The following STMND1 variants were observed in gnomAD, a reference collection of about 807,000 sequenced individuals.
The protein encoded by STMND1 is stathmin domain containing 1.
A neutral mutation model predicts 23.0 loss-of-function variants in STMND1; 17 were observed. The observed-to-expected ratio is 0.74, with a 90% CI of 0.51 to 1.11. The LOEUF is 1.11. Ranked by LOEUF, STMND1 falls within the 50% of genes least tolerant of loss-of-function variation. The probability of loss-of-function intolerance (pLI) is 0.00; values close to 1 mark genes in which losing one functional copy is unlikely to be tolerated. For missense variants in STMND1, 305 were observed against 329.1 expected (o/e 0.93, Z 0.57); for synonymous variants, 114 against 119.9 (o/e 0.95, Z 0.32).
chr6:17,125,502 T>G (rs910411084), intron 3 of STMND1, among the ~76,000 whole-genome samples: 10 of 152,194 alleles, frequency 6.6e-5, no homozygotes, highest in African/African-American at 2.4e-4. Context: ...TGGTCAAAGT[T>G]TATTCCCTTC....
At chr6:17,110,079 T>C (rs1761077401) in intron 1 of STMND1, among the ~76,000 whole-genome samples, 1 of 152,256 alleles carries the variant, frequency 6.6e-6, no homozygotes, top group South Asian at 2.1e-4. Flanking sequence ...GTGTATGCTT[T>C]TCCACCTGCC....
chr6:17,105,136 A>G (rs1761005079), intron 1 of STMND1, among the ~76,000 whole-genome samples: 1 of 152,230 alleles, frequency 6.6e-6, no homozygotes, highest in Non-Finnish European at 1.5e-5. Flanking sequence ...GATTATATGC[A>G]AATACTACAC....
intron 3 of STMND1, among the ~76,000 whole-genome samples, chr6:17,123,714 G>T (rs556960493): frequency 6.6e-5 from 10 of 152,274 alleles, no homozygotes; most frequent in Admixed American, 2.0e-4. Context: ...AATCATTCTT[G>T]ATTCCCTATT....
Position 17,120,598 on chromosome 6 carries a change from T to C in STMND1, c.260-9T>C. 1 of 1,463,080 alleles carries C rather than the reference T, an allele frequency of 6.8e-7. No individual in the cohort carries two copies. The highest frequency in any genetic ancestry group is 9.0e-7 in the Non-Finnish European group (1 of 1,113,610). The allele number at this position is 1,463,080 out of a possible 1,614,324, so 90.6% of individuals were successfully genotyped here. On this transcript the variant is annotated splice_polypyrimidine_tract_variant and intron_variant, in intron 2 of 4. Coordinates refer to ENST00000536551, the MANE Select transcript of STMND1 (RefSeq NM_001190766.2). ...TTGCTTTCTTTTTTCTTTTCTTCTT[T>C]TTTGGAAGACCTAGTGACCAATGGA...
At chr6:17,127,013 C>T (rs973807788) in intron 3 of STMND1, among the ~76,000 whole-genome samples, 14 of 152,330 alleles carry the variant, frequency 9.2e-5, no homozygotes, top group East Asian at 1.9e-4. Flanking sequence ...ATGATCCCCC[C>T]GGCTGTAGGC....
At chr6:17,107,724 G>A (rs1315991055) in intron 1 of STMND1, among the ~76,000 whole-genome samples, 1 of 152,120 alleles carries the variant, frequency 6.6e-6, no homozygotes, top group Non-Finnish European at 1.5e-5. Flanking sequence ...AGCCTGCTGA[G>A]TAGCTGGGAA....
At chr6:17,102,365 A>G (rs1473744) in intron 1 of STMND1, 27 bp downstream of exon 1, 402,846 of 1,521,858 alleles carry the variant, frequency 0.26, 55,141 homozygotes, top group Non-Finnish European at 0.29. Context: ...CAAACAAACA[A>G]ACAAACAGAC....
chr6:17,111,235 T>C (rs1761093210), intron 1 of STMND1, among the ~76,000 whole-genome samples: 1 of 152,198 alleles, frequency 6.6e-6, no homozygotes, highest in Admixed American at 6.5e-5. Flanking sequence ...AATGGAACTG[T>C]GGTTTGAAGA....
intron 1 of STMND1, among the ~76,000 whole-genome samples, chr6:17,108,362 ATTG>A (rs912118679): frequency 7.9e-5 from 12 of 152,220 alleles, no homozygotes; most frequent in East Asian, 1.9e-4. Flanking sequence ...GCATTTTGCT[ATTG>A]TTGTTGTTGT....
At chr6:17,109,035 T>C (rs1329420834) in intron 1 of STMND1, among the ~76,000 whole-genome samples, 1 of 152,168 alleles carries the variant, frequency 6.6e-6, no homozygotes, top group Non-Finnish European at 1.5e-5. Context: ...ATATGTTACA[T>C]GTAATATGTT....
chr6:17,120,282 C>T (rs970338617), intron 2 of STMND1, among the ~76,000 whole-genome samples: 1 of 152,102 alleles, frequency 6.6e-6, no homozygotes, highest in Non-Finnish European at 1.5e-5. Context: ...CATAATTGGT[C>T]GAGCAAACCA....
At chr6:17,119,753 G>C (rs1019470976) in intron 2 of STMND1, among the ~76,000 whole-genome samples, 1 of 151,846 alleles carries the variant, frequency 6.6e-6, no homozygotes, top group Non-Finnish European at 1.5e-5. Flanking sequence ...CCATTAAATG[G>C]AATGGACTTG....
At chr6:17,116,582 G>A (rs1761163178) in intron 2 of STMND1, among the ~76,000 whole-genome samples, 1 of 152,042 alleles carries the variant, frequency 6.6e-6, no homozygotes, top group Non-Finnish European at 1.5e-5. Context: ...TGGGATTACA[G>A]GCATGCGCCA....
At chr6:17,114,492 C>A (rs905042046) in intron 1 of STMND1, among the ~76,000 whole-genome samples, 1 of 152,142 alleles carries the variant, frequency 6.6e-6, no homozygotes, top group Non-Finnish European at 1.5e-5. Context: ...TCTTGAACTC[C>A]TGACCTCAGG....
intron 3 of STMND1, among the ~76,000 whole-genome samples, chr6:17,121,598 A>G (rs994964117): frequency 5.3e-5 from 8 of 152,202 alleles, no homozygotes; most frequent in Admixed American, 3.3e-4. Context: ...AATATATACA[A>G]TTATGTGTCC....
At chr6:17,120,571 T>C in intron 2 of STMND1, 36 bp from the exon 3 acceptor site, 1 of 1,442,298 alleles carries the variant, frequency 6.9e-7, no homozygotes, top group Non-Finnish European at 9.1e-7. Flanking sequence ...CATTCTTAAA[T>C]TTTGCTTTCT....
intron 2 of STMND1, among the ~76,000 whole-genome samples, chr6:17,120,132 G>A (rs1302081026): frequency 2.0e-5 from 3 of 152,194 alleles, no homozygotes; most frequent in African/African-American, 4.8e-5. Context: ...AGCAGATGGC[G>A]TAATTATAAA....
chr6:17,125,298 T>C (rs1761281399), intron 3 of STMND1, among the ~76,000 whole-genome samples: 1 of 152,176 alleles, frequency 6.6e-6, no homozygotes, highest in African/African-American at 2.4e-5. Context: ...TAAACAAACA[T>C]TGGTTTTACG....
rs1761352396 is a variant in STMND1 at position 17,129,242 on chromosome 6, A to G, written c.542A>G (p.Lys181Arg). Residue 181 changes from lysine to arginine, a missense_variant and splice_region_variant, in exon 4 of 5, where the codon AAG (lysine) becomes AGG (arginine). Coordinates refer to ENST00000536551, the MANE Select transcript of STMND1 (RefSeq NM_001190766.2). ...ATGGAGGCTGCCGAGGAGCGCAGGA[A>G]GGTAGTGAGCTCTCAGATGCTCTAG... ...EKMEAAEERRKTKEEEIRKRL... is the reference protein window; with the variant it reads ...EKMEAAEERRRTKEEEIRKRL... The G allele has an allele frequency of 6.5e-7, 1 of 1,535,952 alleles. No individual in the cohort carries two copies.
Sources: gnomAD v4.1 joint callset for allele counts (sites outside exome capture counted in the v4.1 genomes callset) on GRCh38, gnomAD v4.1.1 for gene constraint, MANE v1.5 for transcripts, NCBI Gene and HGNC (gene_info 2026-07-23, HGNC 2026-07-21) for gene names.